PAGE2B: variants seen among roughly 807,000 people sequenced by gnomAD.
PAGE2B encodes putative G antigen family E member 3.
PAGE2B carries 5 observed loss-of-function variants against 7.6 expected under a neutral mutation model. That is an observed-to-expected ratio of 0.66 (90% CI 0.34 to 1.38). The LOEUF (loss-of-function observed/expected upper bound fraction) is 1.38, where lower values mean the gene tolerates loss of function less well. Among genes scored for constraint, PAGE2B ranks in the 40% most tolerant of loss-of-function variants. The pLI, the probability that PAGE2B is intolerant of heterozygous loss-of-function variation, is 0.04. For missense variants in PAGE2B, 70 were observed against 78.4 expected, an observed-to-expected ratio of 0.89 and a Z score of 0.41; for synonymous variants, 29 against 26.7, an observed-to-expected ratio of 1.09 and a Z score of -0.27.
the PAGE2B span, among the ~76,000 whole-genome samples, chrX:55,051,265 G>T: frequency 9.0e-6 from 1 of 110,877 alleles, no homozygotes; most frequent in Admixed American, 9.7e-5. Context: ...TTCAACTTTG[G>T]TGAATCTGAC....
chrX:55,054,134 G>A, the PAGE2B span, among the ~76,000 whole-genome samples: 2 of 110,710 alleles, frequency 1.8e-5, no homozygotes, highest in Non-Finnish European at 3.8e-5. Context: ...GCTTGAACCT[G>A]GGAGGCGGAG....
At chrX:55,034,078 T>G in the PAGE2B span, among the ~76,000 whole-genome samples, 3 of 111,535 alleles carry the variant, frequency 2.7e-5, no homozygotes, top group Admixed American at 2.9e-4. Context: ...TTGTGATGAG[T>G]GGGGATTAAG....
At chrX:55,074,814 G>A, upstream of PAGE2B, among the ~76,000 whole-genome samples, 1 of 112,483 alleles carries the variant, frequency 8.9e-6, no homozygotes, top group South Asian at 3.7e-4. Context: ...TGAAAGAAAG[G>A]GTGGGCGGGG....
At chrX:55,032,230 T>C in the PAGE2B span, among the ~76,000 whole-genome samples, 25 of 111,973 alleles carry the variant, frequency 2.2e-4, no homozygotes, top group African/African-American at 8.1e-4. Context: ...ACATGTGTTA[T>C]ACACCCCTCC....
At chrX:55,048,211 T>C in the PAGE2B span, among the ~76,000 whole-genome samples, 1 of 112,115 alleles carries the variant, frequency 8.9e-6, no homozygotes, top group Non-Finnish European at 1.9e-5. Context: ...CTGTTTTGGT[T>C]ACTGTTGCCT....
intron 3 of PAGE2B, among the ~76,000 whole-genome samples, chrX:55,077,061 C>T (rs1287105554): frequency 1.8e-5 from 2 of 111,682 alleles, no homozygotes; most frequent in African/African-American, 6.5e-5. Flanking sequence ...GATGCTTCCT[C>T]ATACCACGTA....
At chrX:55,058,845 C>T in the PAGE2B span, among the ~76,000 whole-genome samples, 2 of 110,516 alleles carry the variant, frequency 1.8e-5, no homozygotes, top group South Asian at 3.8e-4. Context: ...TGTTAGTCTT[C>T]GAAAATTTTA....
At chrX:55,070,056 T>C (rs1010457637), upstream of PAGE2B, among the ~76,000 whole-genome samples, 2 of 111,497 alleles carry the variant, frequency 1.8e-5, no homozygotes, top group Non-Finnish European at 3.8e-5. Flanking sequence ...GCTCTGATCT[T>C]AGTTATTTCT....
the PAGE2B span, among the ~76,000 whole-genome samples, chrX:55,049,711 G>T: frequency 1.5e-4 from 16 of 110,168 alleles, no homozygotes; most frequent in Non-Finnish European, 3.0e-4. Context: ...TTCTTTATTA[G>T]TCTTGCTAGC....
chrX:55,049,333 G>A, the PAGE2B span, among the ~76,000 whole-genome samples: 2 of 111,900 alleles, frequency 1.8e-5, no homozygotes, highest in East Asian at 5.6e-4. Flanking sequence ...AATGAGTTAG[G>A]GAGGATTCTC....
chrX:55,029,086 A>G, the PAGE2B span, among the ~76,000 whole-genome samples: 9 of 112,233 alleles, frequency 8.0e-5, no homozygotes, highest in South Asian at 2.2e-3. Flanking sequence ...TAAATATTAT[A>G]TTTAATTGAT....
chrX:55,058,846 G>A, the PAGE2B span, among the ~76,000 whole-genome samples: 4 of 110,413 alleles, frequency 3.6e-5, no homozygotes, highest in Non-Finnish European at 5.7e-5. Flanking sequence ...GTTAGTCTTC[G>A]AAAATTTTAT....
chrX:55,055,613 A>T, the PAGE2B span: 2 of 119,559 alleles, frequency 1.7e-5, no homozygotes, highest in African/African-American at 6.6e-5. Flanking sequence ...TTTGAAGTGT[A>T]TGACTTTATT....
the PAGE2B span, among the ~76,000 whole-genome samples, chrX:55,051,315 T>C: frequency 6.3e-5 from 7 of 110,891 alleles, no homozygotes; most frequent in African/African-American, 2.3e-4. Context: ...AGGAGTATCT[T>C]TGTGGCATTC....
At chrX:55,075,748 C>T (rs1936503573) in intron 1 of PAGE2B, among the ~76,000 whole-genome samples, 1 of 110,589 alleles carries the variant, frequency 9.0e-6, no homozygotes, top group Admixed American at 9.6e-5. Flanking sequence ...CCTTTTTTCC[C>T]CCAAATGTCT....
chrX:55,066,655 G>A, the PAGE2B span, among the ~76,000 whole-genome samples: 1 of 111,756 alleles, frequency 8.9e-6, no homozygotes, highest in East Asian at 2.8e-4. Context: ...GCTGCCAGAT[G>A]TATTGGAGCT....
chrX:55,062,043 T>C, the PAGE2B span, among the ~76,000 whole-genome samples: 2 of 111,926 alleles, frequency 1.8e-5, no homozygotes, highest in Non-Finnish European at 3.8e-5. Flanking sequence ...TTGAGAATAG[T>C]GCTGCTGTAA....
the PAGE2B span, among the ~76,000 whole-genome samples, chrX:55,040,310 GC>G: frequency 1.7e-4 from 18 of 108,458 alleles, no homozygotes; most frequent in Non-Finnish European, 3.4e-4. Flanking sequence ...CCCACGACAG[GC>G]CCCGGGGTGT....
Position 55,075,085 on chromosome X carries a change from G to C in PAGE2B, c.-38G>C, listed in dbSNP as rs1007168002. The C allele has an allele frequency of 8.6e-6, 1 of 115,800 alleles. No homozygotes were observed. The highest frequency in any genetic ancestry group is 3.2e-5 in the African/African-American group (1 of 31,222). The allele number at this position is 115,800 out of a possible 1,213,427, so 9.5% of individuals were successfully genotyped here. ...GTGTCTTCATTCTTTCCGCCATCTTGATTCTTTGTCACTGACCGAGACTCA... is the reference window on the plus strand; with the variant it reads ...GTGTCTTCATTCTTTCCGCCATCTTCATTCTTTGTCACTGACCGAGACTCA... On this transcript the variant is annotated 5_prime_UTR_variant, in exon 1 of 5. Coordinates refer to ENST00000374971, the MANE Select transcript of PAGE2B (RefSeq NM_001015038.3).
Sources: gnomAD v4.1 joint callset for allele counts (sites outside exome capture counted in the v4.1 genomes callset) on GRCh38, gnomAD v4.1.1 for gene constraint, MANE v1.5 for transcripts, NCBI Gene and HGNC (gene_info 2026-07-23, HGNC 2026-07-21) for gene names.